LOC400499: variants seen among roughly 807,000 people sequenced by gnomAD.
the LOC400499 span, chr16:11,465,453 C>CAAG: frequency 6.6e-6 from 1 of 152,130 alleles, no homozygotes; most frequent in East Asian, 1.9e-4. Context: ...CAACCTTCTT[C>CAAG]GCAGGATGGA....
chr16:11,476,911 G>C, the LOC400499 span: 7 of 399,120 alleles, frequency 1.8e-5, no homozygotes, highest in Non-Finnish European at 3.1e-5. Flanking sequence ...CAGGATGCCC[G>C]CTGTGCCCAT....
chr16:11,413,519 G>T, the LOC400499 span, among the ~76,000 whole-genome samples: 1 of 152,296 alleles, frequency 6.6e-6, no homozygotes, highest in South Asian at 2.1e-4. Flanking sequence ...TTCATGCCAA[G>T]TGACAGTGGT....
the LOC400499 span, among the ~76,000 whole-genome samples, chr16:11,503,077 A>G: frequency 6.6e-6 from 1 of 151,450 alleles, no homozygotes; most frequent in Non-Finnish European, 1.5e-5. Context: ...GTGCATCACC[A>G]CGCTCAGCTA....
chr16:11,416,618 G>T, the LOC400499 span, among the ~76,000 whole-genome samples: 2 of 152,176 alleles, frequency 1.3e-5, no homozygotes, highest in African/African-American at 2.4e-5. Flanking sequence ...AAAGGTATTT[G>T]TATGCTACAC....
the LOC400499 span, chr16:11,446,940 G>C: frequency 6.6e-7 from 1 of 1,518,556 alleles, no homozygotes; most frequent in South Asian, 1.2e-5. Context: ...ACAGGCCAAA[G>C]CCATTAAAGC....
chr16:11,418,087 G>A, the LOC400499 span, among the ~76,000 whole-genome samples: 12 of 152,232 alleles, frequency 7.9e-5, no homozygotes, highest in African/African-American at 2.9e-4. Flanking sequence ...GCAGGCAGGG[G>A]AGAGTGGGCC....
chr16:11,523,592 C>A, the LOC400499 span: 1 of 395,770 alleles, frequency 2.5e-6, no homozygotes, highest in African/African-American at 2.1e-5. Flanking sequence ...TGCCAGCTCT[C>A]CCCAGACTTT....
the LOC400499 span, chr16:11,476,797 G>A: frequency 5.4e-4 from 214 of 399,290 alleles, no homozygotes; most frequent in African/African-American, 3.0e-3. Context: ...CTCCTCAGGC[G>A]TGTTCAGATG....
the LOC400499 span, among the ~76,000 whole-genome samples, chr16:11,458,182 TAA>T: frequency 2.6e-5 from 4 of 152,036 alleles, no homozygotes; most frequent in Admixed American, 2.6e-4. Context: ...CCATCTCTAC[TAA>T]AAAATACAAA....
chr16:11,401,249 G>T, the LOC400499 span: 1 of 399,164 alleles, frequency 2.5e-6, no homozygotes, highest in Non-Finnish European at 4.4e-6. Flanking sequence ...AAGGGCGCCT[G>T]GGACATCCTC....
At chr16:11,489,996 A>G in the LOC400499 span, among the ~76,000 whole-genome samples, 1 of 152,184 alleles carries the variant, frequency 6.6e-6, no homozygotes, top group African/African-American at 2.4e-5. Flanking sequence ...AGACGGGTAA[A>G]ATGGGTTATA....
chr16:11,506,604 CCA>C, the LOC400499 span, among the ~76,000 whole-genome samples: 4 of 152,124 alleles, frequency 2.6e-5, no homozygotes, highest in African/African-American at 9.7e-5. Flanking sequence ...CCTCCCAACC[CCA>C]CTGCACCCTT....
the LOC400499 span, chr16:11,414,398 T>C: frequency 2.5e-6 from 1 of 399,472 alleles, no homozygotes; most frequent in African/African-American, 2.1e-5. Flanking sequence ...TGGCTGGCAC[T>C]GGCCACCAGC....
At chr16:11,379,850 C>CGAAACATCCTGAAGT in the LOC400499 span, among the ~76,000 whole-genome samples, 1 of 152,204 alleles carries the variant, frequency 6.6e-6, no homozygotes, top group African/African-American at 2.4e-5. Flanking sequence ...GGGGATTACA[C>CGAAACATCCTGAAGT]GAAACATCCT....
At chr16:11,456,710 G>A in the LOC400499 span, 2 of 955,664 alleles carry the variant, frequency 2.1e-6, no homozygotes, top group Non-Finnish European at 3.1e-6. Context: ...TTACAGGCGT[G>A]AGCCACTGTG....
the LOC400499 span, among the ~76,000 whole-genome samples, chr16:11,442,846 T>C: frequency 2.6e-5 from 4 of 152,088 alleles, no homozygotes; most frequent in Non-Finnish European, 5.9e-5. Context: ...CTTCTGCAGG[T>C]GTCTAAGGCT....
chr16:11,476,263 G>A, the LOC400499 span, among the ~76,000 whole-genome samples: 2 of 151,906 alleles, frequency 1.3e-5, no homozygotes, highest in East Asian at 1.9e-4. Flanking sequence ...ATGGGTAGGT[G>A]GGGCAGCCTG....
chr16:11,417,769 A>C, the LOC400499 span: 37 of 398,972 alleles, frequency 9.3e-5, no homozygotes, highest in East Asian at 1.3e-3. Context: ...GTAGTTGAGG[A>C]ATGTGGGCCC....
chr16:11,393,154 AC>A, the LOC400499 span, among the ~76,000 whole-genome samples: 70,649 of 129,332 alleles, frequency 0.55, 18,240 homozygotes, highest in Middle Eastern at 0.68. Context: ...ACGCCTGGCC[AC>A]CCCCCCCCCT....
Sources: gnomAD v4.1 joint callset for allele counts (sites outside exome capture counted in the v4.1 genomes callset) on GRCh38, gnomAD v4.1.1 for gene constraint, MANE v1.5 for transcripts.